SMYD3: variants seen among roughly 807,000 people sequenced by gnomAD.
The protein encoded by SMYD3 is histone-lysine N-methyltransferase SMYD3.
In SMYD3, 36 loss-of-function variants were observed where a neutral mutation model predicts 57.7. The observed-to-expected ratio is 0.62, with a 90% CI of 0.48 to 0.82. The LOEUF is 0.82. Among genes scored for constraint, SMYD3 ranks in the 40% least tolerant of loss-of-function variants. SMYD3 has a pLI of 0.00. For missense variants in SMYD3, 515 were observed against 538.8 expected (o/e 0.96, Z 0.44); for synonymous variants, 211 against 195.0 (o/e 1.08, Z -0.68).
intron 8 of SMYD3, among the ~76,000 whole-genome samples, chr1:245,877,413 G>A (rs1158887541): frequency 1.3e-5 from 2 of 152,194 alleles, no homozygotes; most frequent in African/African-American, 2.4e-5. Flanking sequence ...ATGGAGACAT[G>A]GGGAGATTTT....
intron 5 of SMYD3, among the ~76,000 whole-genome samples, chr1:246,278,133 T>C (rs2064370293): frequency 6.6e-6 from 1 of 152,034 alleles, no homozygotes; most frequent in African/African-American, 2.4e-5. Context: ...TTTCAATGCC[T>C]CAGGTCGGCC....
At chr1:245,837,579 T>A (rs1176004760) in intron 10 of SMYD3, among the ~76,000 whole-genome samples, 3 of 152,176 alleles carry the variant, frequency 2.0e-5, no homozygotes, top group Non-Finnish European at 4.4e-5. Context: ...TCGCATTTTT[T>A]ATCACACTGT....
At chr1:245,984,092 T>C (rs1004489593) in intron 5 of SMYD3, among the ~76,000 whole-genome samples, 1 of 151,482 alleles carries the variant, frequency 6.6e-6, no homozygotes, top group Admixed American at 6.6e-5. Flanking sequence ...CTCTGCCTTC[T>C]GGGTTCAAGC....
rs962480142 is a variant in SMYD3, at chr1:245,750,092, A to AT, written c.1186-429dup. Among the ~76,000 whole-genome samples, 7 of 151,796 alleles carry AT rather than the reference A, an allele frequency of 4.6e-5. No homozygotes were observed. In the South Asian group the frequency reaches 6.3e-4, roughly 14 times the overall value. ...GATTATTATATACATGTATTCTCAC[A>AT]TTTTTTTTCATATCATATTATAGCA... On this transcript the variant is annotated intron_variant, in intron 11 of 11. Transcript: ENST00000490107.
At chr1:246,036,581 T>C (rs2059777489) in intron 5 of SMYD3, among the ~76,000 whole-genome samples, 1 of 150,692 alleles carries the variant, frequency 6.6e-6, no homozygotes, top group Non-Finnish European at 1.5e-5. Context: ...TGAGACGGAG[T>C]CTCGCTTTGT....
intron 5 of SMYD3, among the ~76,000 whole-genome samples, chr1:246,084,202 T>TC (rs2060688846): frequency 1.3e-5 from 2 of 151,560 alleles, no homozygotes; most frequent in Non-Finnish European, 2.9e-5. Flanking sequence ...TTCCTTTTTT[T>TC]TTTTTTTTTT....
At chr1:246,269,642 C>CACCGCA (rs774573710) in intron 5 of SMYD3, among the ~76,000 whole-genome samples, 2 of 150,556 alleles carry the variant, frequency 1.3e-5, no homozygotes, top group Non-Finnish European at 2.9e-5. Context: ...AATCACAGCT[C>CACCGCA]ACCGCAACCT....
chr1:246,403,795 A>G lies in SMYD3; in HGVS notation c.165-48701T>C, dbSNP rs543147372. ...GTAATGCTGAGCATTTTTAAATTTCATAAGACTATATTCAGCAATGATACC... is the reference window on the plus strand; with the variant it reads ...GTAATGCTGAGCATTTTTAAATTTCGTAAGACTATATTCAGCAATGATACC... On this transcript the variant is annotated intron_variant, in intron 1 of 11. Coordinates refer to ENST00000490107, the MANE Select transcript of SMYD3 (RefSeq NM_001167740.2). Among the ~76,000 whole-genome samples, 8 of 152,360 alleles carry G rather than the reference A, an allele frequency of 5.3e-5. No homozygotes were observed. The South Asian group carries it at 1.2e-3, about 24-fold the overall frequency.
intron 5 of SMYD3, among the ~76,000 whole-genome samples, chr1:246,238,010 A>C (rs1458031939): frequency 6.6e-6 from 1 of 152,072 alleles, no homozygotes; most frequent in Non-Finnish European, 1.5e-5. Flanking sequence ...TGGGTGATAA[A>C]ATTTTCTAAA....
At chr1:245,982,216 C>G (rs376551119) in intron 5 of SMYD3, among the ~76,000 whole-genome samples, 1 of 152,208 alleles carries the variant, frequency 6.6e-6, no homozygotes, top group African/African-American at 2.4e-5. Context: ...CTCATTGCAG[C>G]CTCCACCTTC....
At position 246,203,288 on chromosome 1, in the gene SMYD3, G is replaced by A. The variant is rs546088258; in HGVS notation, c.531+123913C>T. On this transcript the variant is annotated intron_variant, in intron 5 of 11. Coordinates refer to ENST00000490107, the MANE Select transcript of SMYD3 (RefSeq NM_001167740.2). The surrounding 1 kb of genome is among the most constrained non-coding windows in gnomAD (Gnocchi z 4.6). ...ATATCCACAGAGCTTTAATCCAGATGTGTGCAAGATATTGGGGATTTGTTC... is the reference window on the plus strand; with the variant it reads ...ATATCCACAGAGCTTTAATCCAGATATGTGCAAGATATTGGGGATTTGTTC... Among the ~76,000 whole-genome samples the A allele has an allele frequency of 9.8e-4, 149 of 152,260 alleles. 1 individual carries two copies. Among genetic ancestry groups the A allele is most frequent in the African/African-American group, 3.6e-3 (148 of 41,562 alleles).
chr1:245,824,174 G>C (rs916057051), intron 10 of SMYD3, among the ~76,000 whole-genome samples: 1 of 152,214 alleles, frequency 6.6e-6, no homozygotes, highest in Non-Finnish European at 1.5e-5. Flanking sequence ...GCGGTACCCT[G>C]CACAAGCTTG....
At chr1:246,231,311 C>T (rs2063405697) in intron 5 of SMYD3, among the ~76,000 whole-genome samples, 1 of 152,004 alleles carries the variant, frequency 6.6e-6, no homozygotes, top group Non-Finnish European at 1.5e-5. Context: ...ACGGGTTGTC[C>T]AGAAAGGAGC....
At chr1:246,325,268 TCG>T (rs2065328558) in intron 5 of SMYD3, among the ~76,000 whole-genome samples, 1 of 16,542 alleles carries the variant, frequency 6.0e-5, no homozygotes, top group East Asian at 5.0e-3. Flanking sequence ...GGAGAAGGAG[TCG>T]GGGGGGCGGG....
At chr1:246,147,298 C>T (rs2061863735) in intron 5 of SMYD3, among the ~76,000 whole-genome samples, 1 of 152,166 alleles carries the variant, frequency 6.6e-6, no homozygotes, top group South Asian at 2.1e-4. Flanking sequence ...AAAGGCCACA[C>T]CTCCGGGGAG....
chr1:246,058,526 G>C (rs2060193080), intron 5 of SMYD3, among the ~76,000 whole-genome samples: 2 of 152,134 alleles, frequency 1.3e-5, no homozygotes. Flanking sequence ...ATTTATCTTT[G>C]GCAGAATCGG....
intron 5 of SMYD3, among the ~76,000 whole-genome samples, chr1:246,157,886 A>T (rs780757924): frequency 3.9e-5 from 6 of 152,228 alleles, no homozygotes; most frequent in African/African-American, 7.2e-5. Context: ...GAGCTTCATA[A>T]AGAAGTATGT....
intron 1 of SMYD3, among the ~76,000 whole-genome samples, chr1:246,489,459 T>C (rs1162259174): frequency 1.3e-5 from 2 of 152,200 alleles, no homozygotes; most frequent in African/African-American, 4.8e-5. Flanking sequence ...GAGGTAGCTA[T>C]TTCCCTATTT....
At chr1:246,005,480 C>T (rs1291664079) in intron 5 of SMYD3, among the ~76,000 whole-genome samples, 1 of 152,126 alleles carries the variant, frequency 6.6e-6, no homozygotes, top group Non-Finnish European at 1.5e-5. Context: ...ATCTAAAATG[C>T]GGATAGTCAC....
Sources: allele counts gnomAD v4.1 joint callset (sites outside exome capture counted in the v4.1 genomes callset), GRCh38; gene constraint gnomAD v4.1.1; non-coding constraint Gnocchi (gnomAD v3.1); transcripts MANE v1.5; gene names NCBI Gene and HGNC (gene_info 2026-07-23, HGNC 2026-07-21).